The following MAU2 variants were observed in gnomAD, a reference collection of about 807,000 sequenced individuals.
MAU2 encodes the protein MAU2 chromatid cohesion factor homolog.
Under a neutral mutation model 89.1 loss-of-function variants are expected in MAU2, and 9 were observed. The ratio of observed to expected loss-of-function variants is 0.10; its 90% confidence interval spans 0.06 to 0.18. MAU2 has a LOEUF of 0.18. Ranked by LOEUF, MAU2 falls within the 10% of genes least tolerant of loss-of-function variation. The pLI is 1.00. For missense variants in MAU2, 425 were observed against 803.5 expected (o/e 0.53, Z 5.69); for synonymous variants, 357 against 343.4 (o/e 1.04, Z -0.44).
At chr19:19,347,478 C>T in intron 13 of MAU2, 112 bp downstream of exon 13, 1 of 789,506 alleles carries the variant, frequency 1.3e-6, no homozygotes, top group Non-Finnish European at 2.1e-6. Context: ...GGGTGTTCAC[C>T]TTTTGAGGGA....
intron 10 of MAU2, 41 bp downstream of exon 10, chr19:19,343,981 T>G: frequency 2.0e-6 from 3 of 1,527,030 alleles, no homozygotes; most frequent in East Asian, 2.2e-5. Context: ...CCCAGGAGTT[T>G]GTTGGGTCTC....
chr19:19,322,142 C>T (rs1467755113), intron 1 of MAU2, among the ~76,000 whole-genome samples: 11 of 152,020 alleles, frequency 7.2e-5, no homozygotes, highest in Admixed American at 7.2e-4. Context: ...AGACTACAGG[C>T]GCCCGCCACC....
At position 19,333,008 on chromosome 19, in the gene MAU2, C is replaced by T. The variant is rs139338088; in HGVS notation, c.277-2710C>T. The stretch of plus-strand genomic sequence containing the variant: ...AGGAGAATCACTTGAACCTGGGAAG[C>T]GGAGGTTGCGGTGAGCTGAGATTAT... On this transcript the variant is annotated intron_variant, in intron 1 of 18. Transcript: ENST00000262815. Among the ~76,000 whole-genome samples the T allele has an allele frequency of 3.1e-3, 475 of 151,680 alleles. 3 individuals are homozygous for T. The highest frequency in any genetic ancestry group is 0.011 in the African/African-American group (436 of 41,312).
intron 1 of MAU2, among the ~76,000 whole-genome samples, chr19:19,329,280 G>T (rs896071938): frequency 3.9e-5 from 6 of 152,136 alleles, no homozygotes; most frequent in African/African-American, 1.4e-4. Context: ...AGTGATCTGT[G>T]CTTCCTCCTG....
intron 1 of MAU2, among the ~76,000 whole-genome samples, chr19:19,332,906 A>G (rs1270031780): frequency 1.3e-5 from 2 of 152,010 alleles, no homozygotes; most frequent in Non-Finnish European, 2.9e-5. Context: ...GAGAAACCCC[A>G]TCTCTACTGA....
At chr19:19,328,423 C>CT (rs576082599) in intron 1 of MAU2, among the ~76,000 whole-genome samples, 2,034 of 140,360 alleles carry the variant, frequency 0.014, 20 homozygotes, top group South Asian at 0.037. Context: ...TCCCCCTTAA[C>CT]TTTTTTTTTT....
At chr19:19,326,651 A>G (rs2061506097) in intron 1 of MAU2, among the ~76,000 whole-genome samples, 1 of 126,590 alleles carries the variant, frequency 7.9e-6, no homozygotes, top group African/African-American at 2.8e-5. Flanking sequence ...GCGCCACTGC[A>G]CTCCAGACTG....
Position 19,345,377 on chromosome 19 carries a change from G to C in MAU2, c.1221+8G>C. The C allele has an allele frequency of 6.2e-7, 1 of 1,613,416 alleles. No individual in the cohort carries two copies. Among genetic ancestry groups the C allele is most frequent in the Non-Finnish European group, 8.5e-7 (1 of 1,179,922 alleles). ...TTCACCACGGCCCTGCGGGTAAGGT[G>C]CCGGCCCTCCTTGCTGCTCGGGGCG... On this transcript the variant is annotated splice_region_variant and intron_variant, in intron 12 of 18. Transcript: ENST00000262815. This position sits in a 1 kb window ranked among gnomAD's most constrained non-coding sequence, Gnocchi z 4.9.
chr19:19,321,153 C>T lies in MAU2; in HGVS notation c.276+18C>T. The T allele has an allele frequency of 1.3e-6, 2 of 1,575,702 alleles. No homozygotes were observed. Among genetic ancestry groups the T allele is most frequent in the Admixed American group, 1.8e-5 (1 of 56,894 alleles). ...AGAAGGCGGTGAGCGCGGGCCGGGC[C>T]GCGAGGGAGGAGTCGCGGGCTCCTT... is the stretch of plus-strand genomic sequence containing the variant. On this transcript the variant is annotated intron_variant, in intron 1 of 18. Coordinates refer to ENST00000262815, the MANE Select transcript of MAU2 (RefSeq NM_015329.4).
At position 19,345,186 on chromosome 19, in the gene MAU2, G is replaced by A; in HGVS notation, c.1156-118G>A. 1 of 911,294 alleles carries A rather than the reference G, an allele frequency of 1.1e-6. No individual in the cohort carries two copies. Among genetic ancestry groups the A allele is most frequent in the South Asian group, 1.4e-5 (1 of 69,772 alleles). The allele number at this position is 911,294 out of a possible 1,614,324, so 56.5% of individuals were successfully genotyped here. ...TATTACCTGCCTTGCAGCTGGCTCG[G>A]TAGAGCCATTGTCATACTCCTCCAG... is the stretch of plus-strand genomic sequence containing the variant. On this transcript the variant is annotated intron_variant, in intron 11 of 18. Coordinates refer to ENST00000262815, the MANE Select transcript of MAU2 (RefSeq NM_015329.4). This position sits in a 1 kb window ranked among gnomAD's most constrained non-coding sequence, Gnocchi z 4.9.
rs529745359 is a variant in MAU2, at chr19:19,335,884, C to G, written c.294+149C>G. ...CCTGGAGTGTCCCCCACCTGGCCCT[C>G]TGCTGCCCTTGGGCGCTGTGCTCCT... On this transcript the variant is annotated intron_variant, in intron 2 of 18. Transcript: ENST00000262815. The G allele has an allele frequency of 7.6e-5, 70 of 925,710 alleles. No individual in the cohort carries two copies. In the East Asian group the frequency reaches 1.7e-3, roughly 22 times the overall value. 57.3% of individuals were successfully genotyped at this position (925,710 alleles called of 1,614,324 possible). A position where few individuals can be genotyped will look rare whatever the true frequency, so the allele number is the denominator to read the frequency against.
At chr19:19,329,781 G>GAA (rs2061539905) in intron 1 of MAU2, among the ~76,000 whole-genome samples, 1 of 150,506 alleles carries the variant, frequency 6.6e-6, no homozygotes, top group Non-Finnish European at 1.5e-5. Context: ...AACATAGCCA[G>GAA]ACCCTGTCTC....
chr19:19,321,247 G>T lies in MAU2; in HGVS notation c.276+112G>T, dbSNP rs560002382. ...CCGCTCCTCGGCGACCTGGGGGCGC[G>T]ACCTCCGTCAAAGCCGCAGGACCCC... On this transcript the variant is annotated intron_variant, in intron 1 of 18. Transcript: ENST00000262815. The T allele has an allele frequency of 3.0e-5, 38 of 1,272,076 alleles. No homozygotes were observed. The African/African-American group carries it at 5.7e-4, about 19-fold the overall frequency. 78.8% of individuals were successfully genotyped at this position (1,272,076 alleles called of 1,614,324 possible). A position where few individuals can be genotyped will look rare whatever the true frequency, so the allele number is the denominator to read the frequency against.
intron 1 of MAU2, 99 bp downstream of exon 1, chr19:19,321,234 G>T: frequency 7.5e-7 from 1 of 1,332,760 alleles, no homozygotes; most frequent in Middle Eastern, 2.2e-4. Flanking sequence ...GCTCCTCGGC[G>T]ACCTGGGGGC....
rs556455967 is a variant in MAU2, at chr19:19,329,105, T to A, written c.277-6613T>A. The A allele has an allele frequency of 3.0e-3, 1,351 of 456,022 alleles. 24 individuals are homozygous for A. The highest frequency in any genetic ancestry group is 0.018 in the South Asian group (1,186 of 64,556). 28.2% of individuals were successfully genotyped at this position (456,022 alleles called of 1,614,324 possible). A position where few individuals can be genotyped will look rare whatever the true frequency, so the allele number is the denominator to read the frequency against. The stretch of plus-strand genomic sequence containing the variant: ...CTCAGCAAGTGATTAAATGCTTCCT[T>A]TTCTCTTAAGACCCAACAGGGCTAG... On this transcript the variant is annotated intron_variant, in intron 1 of 18. Transcript: ENST00000262815.
chr19:19,342,903 G>A (rs753852057), intron 9 of MAU2, 37 bp downstream of exon 9: 48 of 1,606,780 alleles, frequency 3.0e-5, no homozygotes, highest in Non-Finnish European at 3.7e-5. Context: ...TGGCCACAGC[G>A]ACCCCTGGCG....
Position 19,320,850 on chromosome 19 carries a change from G to A in MAU2, c.-10G>A. 3.3e-6 allele frequency: 5 copies of A among 1,519,358 alleles called. No homozygotes were observed. The highest frequency in any genetic ancestry group is 4.4e-6 in the Non-Finnish European group (5 of 1,144,394). The allele number at this position is 1,519,358 out of a possible 1,614,324, so 94.1% of individuals were successfully genotyped here. On this transcript the variant is annotated 5_prime_UTR_variant, in exon 1 of 19. Coordinates refer to ENST00000262815, the MANE Select transcript of MAU2 (RefSeq NM_015329.4). The stretch of plus-strand genomic sequence containing the variant: ...CCCTGTGGCGGCGGCTTGTTGTTGT[G>A]GAGGCCAAAATGGCGGCTCAGGCGG...
chr19:19,329,896 C>G (rs1442248107), intron 1 of MAU2, among the ~76,000 whole-genome samples: 3 of 152,054 alleles, frequency 2.0e-5, no homozygotes, highest in Admixed American at 1.3e-4. Flanking sequence ...TTCAAGGTTA[C>G]AGTGAGCCAT....
At chr19:19,326,705 TATATATATATATATAC>T (rs1302920615) in intron 1 of MAU2, among the ~76,000 whole-genome samples, 1,244 of 41,370 alleles carry the variant, frequency 0.03, 53 homozygotes, top group African/African-American at 0.061. Context: ...TATATATGTA[TATATATATATATATAC>T]ATATATATAT....
Sources: gnomAD v4.1 joint callset for allele counts (sites outside exome capture counted in the v4.1 genomes callset) on GRCh38, gnomAD v4.1.1 for gene constraint, Gnocchi (gnomAD v3.1) non-coding constraint, MANE v1.5 for transcripts, NCBI Gene and HGNC (gene_info 2026-07-23, HGNC 2026-07-21) for gene names.